PCDHGA1: variants seen among roughly 807,000 people sequenced by gnomAD.
PCDHGA1 encodes the protein protocadherin gamma subfamily A, 1, also known as protocadherin gamma-A1.
Under a neutral mutation model 58.0 loss-of-function variants are expected in PCDHGA1, and 32 were observed. That is an observed-to-expected ratio of 0.55 (90% CI 0.42 to 0.74). The LOEUF is 0.74. Among genes scored for constraint, PCDHGA1 ranks in the 30% least tolerant of loss-of-function variants. The pLI, the probability that PCDHGA1 is intolerant of heterozygous loss-of-function variation, is 0.00. For missense variants in PCDHGA1, 1,205 were observed against 1,182.3 expected, an observed-to-expected ratio of 1.02 and a Z score of -0.28; for synonymous variants, 498 against 501.1, an observed-to-expected ratio of 0.99 and a Z score of 0.08.
At chr5:141,409,919 G>T (rs774277848) in intron 1 of PCDHGA1, 1 of 1,613,346 alleles carries the variant, frequency 6.2e-7, no homozygotes, top group Non-Finnish European at 8.5e-7. Context: ...TGACGGCTCC[G>T]CGTTCTTCGA....
At chr5:141,349,642 T>A (rs776497307) in intron 1 of PCDHGA1, among the ~76,000 whole-genome samples, 1 of 152,244 alleles carries the variant, frequency 6.6e-6, no homozygotes, top group African/African-American at 2.4e-5. Flanking sequence ...ATGGAGAGAT[T>A]TAAAATACTA....
chr5:141,503,260 C>A (rs2154593294), intron 2 of PCDHGA1, among the ~76,000 whole-genome samples: 1 of 152,178 alleles, frequency 6.6e-6, no homozygotes, highest in African/African-American at 2.4e-5. Flanking sequence ...ACAGCCACAA[C>A]CCCAGCACCT....
At chr5:141,365,169 CT>C in intron 1 of PCDHGA1, 1 of 1,613,926 alleles carries the variant, frequency 6.2e-7, no homozygotes, top group East Asian at 2.2e-5. Context: ...TTGACCTACT[CT>C]TTTCGCAATG....
At position 141,374,916 on chromosome 5, in the gene PCDHGA1, CTT is replaced by C. The variant is rs779055803; in HGVS notation, c.2421+41812_2421+41813del. ...GATGAAGGAGTCCACGGGGAAGTAA[CTT>C]ATTCCTTTGTGAAGATTACAGAAAA... On this transcript the variant is annotated intron_variant, in intron 1 of 3. Transcript: ENST00000517417. The C allele has an allele frequency of 1.2e-5, 20 of 1,613,924 alleles. No individual in the cohort carries two copies. The African/African-American group carries it at 2.4e-4, about 19-fold the overall frequency.
Position 141,409,135 on chromosome 5 carries a change from T to C in PCDHGA1, c.2421+76030T>C, listed in dbSNP as rs748247175. 3.1e-6 allele frequency: 5 copies of C among 1,614,026 alleles called. No homozygotes were observed. In the South Asian group the frequency reaches 3.3e-5, roughly 11 times the overall value. On this transcript the variant is annotated intron_variant, in intron 1 of 3. Coordinates refer to ENST00000517417, the MANE Select transcript of PCDHGA1 (RefSeq NM_018912.3). ...ATAACCAGTCATTTGATTTTGAAGA[T>C]GTAGAAAGGTACACCATGGAAGTGG...
chr5:141,347,613 C>T (rs537154488), intron 1 of PCDHGA1, among the ~76,000 whole-genome samples: 1 of 152,006 alleles, frequency 6.6e-6, no homozygotes, highest in Non-Finnish European at 1.5e-5. Context: ...ATGGTGAAAG[C>T]CTGTCTCTAC....
Position 141,476,752 on chromosome 5 carries a change from A to T in PCDHGA1, c.2422-18055A>T, listed in dbSNP as rs771355583. On this transcript the variant is annotated intron_variant, in intron 1 of 3. Coordinates refer to ENST00000517417, the MANE Select transcript of PCDHGA1 (RefSeq NM_018912.3). This position sits in a 1 kb window ranked among gnomAD's most constrained non-coding sequence, Gnocchi z 7.6. ...GAGAACGGGAGCCTAGTCTCCAGTTAGTGCTGACGGCGTTGGACGGAGGGA... is the reference window on the plus strand; with the variant it reads ...GAGAACGGGAGCCTAGTCTCCAGTTTGTGCTGACGGCGTTGGACGGAGGGA... 1.2e-6 allele frequency: 2 copies of T among 1,613,926 alleles called. No individual in the cohort carries two copies. Among genetic ancestry groups the T allele is most frequent in the South Asian group, 2.2e-5 (2 of 91,080 alleles).
At chr5:141,365,653 A>G in intron 1 of PCDHGA1, 4 of 1,613,620 alleles carry the variant, frequency 2.5e-6, no homozygotes, top group Non-Finnish European at 3.4e-6. Context: ...TCCCCTTGAA[A>G]GTAGCAGACG....
chr5:141,365,875 T>C (rs1408418320), intron 1 of PCDHGA1: 1 of 1,614,106 alleles, frequency 6.2e-7, no homozygotes, highest in South Asian at 1.1e-5. Flanking sequence ...GTGTCCTGTA[T>C]GCTCTGAGAT....
intron 1 of PCDHGA1, chr5:141,414,589 G>T: frequency 1.2e-6 from 2 of 1,613,834 alleles, no homozygotes; most frequent in African/African-American, 2.7e-5. Flanking sequence ...CAACGCCAGG[G>T]GTGCCTCCAT....
chr5:141,472,769 T>C (rs2154571402), intron 1 of PCDHGA1, among the ~76,000 whole-genome samples: 1 of 151,816 alleles, frequency 6.6e-6, no homozygotes, highest in South Asian at 2.1e-4. Context: ...GCAGATCACC[T>C]GAGGTTGGGA....
At chr5:141,358,349 G>T (rs1182827672) in intron 1 of PCDHGA1, among the ~76,000 whole-genome samples, 1 of 152,164 alleles carries the variant, frequency 6.6e-6, no homozygotes, top group Admixed American at 6.5e-5. Flanking sequence ...TGGACTGAGG[G>T]TTTTTTAATT....
rs1254227812 is a variant in PCDHGA1, at chr5:141,357,331, C to T, written c.2421+24226C>T. Reference sequence around the variant, plus strand: ...CGTCTTCCTGGCTTTTGTCACGGTGCTGCTAGCACTCAAGCTGAGACGCTG... The same window carrying T: ...CGTCTTCCTGGCTTTTGTCACGGTGTTGCTAGCACTCAAGCTGAGACGCTG... On this transcript the variant is annotated intron_variant, in intron 1 of 3. Coordinates refer to ENST00000517417, the MANE Select transcript of PCDHGA1 (RefSeq NM_018912.3). 2.5e-6 allele frequency: 4 copies of T among 1,614,098 alleles called. No homozygotes were observed. The Admixed American group carries it at 5.0e-5, about 20-fold the overall frequency.
At chr5:141,389,266 A>C in intron 1 of PCDHGA1, 1 of 1,614,022 alleles carries the variant, frequency 6.2e-7, no homozygotes, top group Non-Finnish European at 8.5e-7. Flanking sequence ...CACGTGGCCG[A>C]GAACAACCCG....
intron 1 of PCDHGA1, chr5:141,421,424 G>A: frequency 6.2e-7 from 1 of 1,614,092 alleles, no homozygotes. Context: ...CGCGGAGTCC[G>A]CATCGTCTCC....
intron 1 of PCDHGA1, chr5:141,357,869 A>G: frequency 3.5e-6 from 2 of 565,622 alleles, no homozygotes; most frequent in South Asian, 4.5e-5. Context: ...CTAATTTTAC[A>G]ACTCTGAGCC....
rs1158395811 is a variant in PCDHGA1, at chr5:141,476,020, T to TCGGCGCC, written c.2422-18785_2422-18779dup. The stretch of plus-strand genomic sequence containing the variant: ...CGGCATCCAGAAAGCCATGTCGGAC[T>TCGGCGCC]CGGCGCCCAGCGCCCAAGCGCTAAC... On this transcript the variant is annotated intron_variant, in intron 1 of 3. Transcript: ENST00000517417. The surrounding 1 kb of genome is among the most constrained non-coding windows in gnomAD (Gnocchi z 7.6). 2.1e-6 allele frequency: 3 copies of TCGGCGCC among 1,398,716 alleles called. No homozygotes were observed. The African/African-American group carries it at 4.3e-5, about 20-fold the overall frequency. The allele number at this position is 1,398,716 out of a possible 1,614,324, so 86.6% of individuals were successfully genotyped here. A position where few individuals can be genotyped will look rare whatever the true frequency, so the allele number is the denominator to read the frequency against.
At chr5:141,351,856 C>G (rs1177291995) in intron 1 of PCDHGA1, 3 of 1,613,094 alleles carry the variant, frequency 1.9e-6, no homozygotes, top group Non-Finnish European at 1.7e-6. Context: ...AGGCCAGGGA[C>G]CAGGGCTCCC....
chr5:141,456,554 G>A (rs1003323522), intron 1 of PCDHGA1, among the ~76,000 whole-genome samples: 2 of 152,202 alleles, frequency 1.3e-5, no homozygotes, highest in Non-Finnish European at 2.9e-5. Flanking sequence ...GCCACTCGGG[G>A]CTGAAGCCCA....
Sources: gnomAD v4.1 joint callset for allele counts (sites outside exome capture counted in the v4.1 genomes callset) on GRCh38, gnomAD v4.1.1 for gene constraint, Gnocchi (gnomAD v3.1) non-coding constraint, MANE v1.5 for transcripts, NCBI Gene and HGNC (gene_info 2026-07-23, HGNC 2026-07-21) for gene names.